FOXJ3: variants seen among roughly 807,000 people sequenced by gnomAD.
FOXJ3 encodes forkhead box protein J3.
FOXJ3 carries 22 observed loss-of-function variants against 76.1 expected under a neutral mutation model. The observed-to-expected ratio is 0.29, with a 90% CI of 0.21 to 0.41. The LOEUF is 0.41. Ranked by LOEUF, FOXJ3 falls within the 10% of genes least tolerant of loss-of-function variation. FOXJ3 has a pLI of 1.00. For missense variants in FOXJ3, 613 were observed against 762.1 expected, an observed-to-expected ratio of 0.80 and a Z score of 2.30; for synonymous variants, 269 against 261.2, an observed-to-expected ratio of 1.03 and a Z score of -0.29.
chr1:42,306,174 A>C (rs1654450798), intron 2 of FOXJ3, among the ~76,000 whole-genome samples: 2 of 152,230 alleles, frequency 1.3e-5, no homozygotes, highest in South Asian at 4.1e-4. Context: ...TTGGAAATAA[A>C]ATACAGGTAC....
intron 2 of FOXJ3, among the ~76,000 whole-genome samples, chr1:42,285,562 C>G (rs192593580): frequency 6.6e-6 from 1 of 152,110 alleles, no homozygotes; most frequent in African/African-American, 2.4e-5. Context: ...CTAAAATACT[C>G]CCCAAGGCTT....
chr1:42,188,730 C>A lies in FOXJ3; in HGVS notation c.1645+7G>T. ...GAGAAAAATCAAGAAGATAACTAAC[C>A]CCATACCTGTTCCAATGTGTTGGGA... On this transcript the variant is annotated splice_region_variant and intron_variant, in intron 11 of 12. Coordinates refer to ENST00000361346, the MANE Select transcript of FOXJ3 (RefSeq NM_014947.5). The A allele has an allele frequency of 6.4e-7, 1 of 1,553,090 alleles. No individual in the cohort carries two copies. The highest frequency in any genetic ancestry group is 8.7e-7 in the Non-Finnish European group (1 of 1,143,698).
At chr1:42,270,572 T>C (rs1238935431) in intron 3 of FOXJ3, among the ~76,000 whole-genome samples, 1 of 152,126 alleles carries the variant, frequency 6.6e-6, no homozygotes, top group African/African-American at 2.4e-5. Flanking sequence ...GCTTGGGTAG[T>C]CCCCATCTCC....
intron 4 of FOXJ3, among the ~76,000 whole-genome samples, chr1:42,258,771 T>A (rs567193199): frequency 2.3e-4 from 35 of 152,302 alleles, no homozygotes; most frequent in African/African-American, 7.7e-4. Flanking sequence ...AACAGACATA[T>A]CTTGCTTTTA....
At chr1:42,248,534 C>CAAAAA (rs4019586) in intron 4 of FOXJ3, among the ~76,000 whole-genome samples, 393 of 135,972 alleles carry the variant, frequency 2.9e-3, no homozygotes, top group African/African-American at 0.011. Flanking sequence ...ACTGCGTCTC[C>CAAAAA]AAAAAAAAAA....
At chr1:42,270,345 T>C (rs1405977304) in intron 3 of FOXJ3, among the ~76,000 whole-genome samples, 1 of 152,206 alleles carries the variant, frequency 6.6e-6, no homozygotes, top group Non-Finnish European at 1.5e-5. Flanking sequence ...CTCCATGCTG[T>C]ATTCTCTACC....
At chr1:42,295,118 T>C (rs1028519123) in intron 2 of FOXJ3, among the ~76,000 whole-genome samples, 2 of 152,204 alleles carry the variant, frequency 1.3e-5, no homozygotes, top group Non-Finnish European at 2.9e-5. Flanking sequence ...CATGGGTATA[T>C]TGCATATTGG....
chr1:42,245,695 A>G (rs892896763), intron 4 of FOXJ3, among the ~76,000 whole-genome samples: 1 of 138,310 alleles, frequency 7.2e-6, no homozygotes, highest in East Asian at 2.1e-4. Context: ...TTTATGACAA[A>G]CCCACAGCTA....
Position 42,297,416 on chromosome 1 carries a change from A to G in FOXJ3, c.44+13634T>C, listed in dbSNP as rs545061366. Among the ~76,000 whole-genome samples the G allele has an allele frequency of 4.6e-5, 7 of 152,168 alleles. No homozygotes were observed. In the South Asian group the frequency reaches 1.5e-3, roughly 32 times the overall value. ...TGTTGTCTGTAGGTTTGTCATATATAGCTATTATTTTAAGGTACATACCTC... is the reference window on the plus strand; with the variant it reads ...TGTTGTCTGTAGGTTTGTCATATATGGCTATTATTTTAAGGTACATACCTC... On this transcript the variant is annotated intron_variant, in intron 2 of 12. Transcript: ENST00000361346.
At chr1:42,251,090 G>A (rs1186847310) in intron 4 of FOXJ3, among the ~76,000 whole-genome samples, 1 of 152,008 alleles carries the variant, frequency 6.6e-6, no homozygotes, top group Non-Finnish European at 1.5e-5. Context: ...TCCTAGATGA[G>A]CAGGCCTGGA....
Position 42,277,976 on chromosome 1 carries a change from CAAAAAAAAAAAAAAA to C in FOXJ3, c.369+357_369+371del, listed in dbSNP as rs755384247. On this transcript the variant is annotated intron_variant, in intron 3 of 12. Coordinates refer to ENST00000361346, the MANE Select transcript of FOXJ3 (RefSeq NM_014947.5). ...TAGGCGTCAGAGCGAGACTCCATCT[CAAAAAAAAAAAAAAA>C]AAAAAAAATCTTGACTGATAAAGAC... is the stretch of plus-strand genomic sequence containing the variant. 5.8e-5 allele frequency among the ~76,000 whole-genome samples: 3 copies of C among 51,588 alleles called. No homozygotes were observed. In the East Asian group the frequency reaches 1.9e-3, roughly 33 times the overall value. The allele number at this position is 51,588 out of a possible 152,430, so 33.8% of individuals were successfully genotyped here.
intron 1 of FOXJ3, among the ~76,000 whole-genome samples, chr1:42,333,342 TAA>T (rs1281168510): frequency 6.6e-6 from 1 of 151,806 alleles, no homozygotes; most frequent in Non-Finnish European, 1.5e-5. Context: ...TTTGAAACAT[TAA>T]GTTTTTTTAT....
At chr1:42,234,027 G>A (rs907188168) in intron 4 of FOXJ3, among the ~76,000 whole-genome samples, 16 of 152,146 alleles carry the variant, frequency 1.1e-4, no homozygotes, top group African/African-American at 3.4e-4. Flanking sequence ...TTTGTCACAG[G>A]CCTTTTCTGC....
At chr1:42,244,233 T>C (rs1387780072) in intron 4 of FOXJ3, among the ~76,000 whole-genome samples, 1 of 151,788 alleles carries the variant, frequency 6.6e-6, no homozygotes, top group Non-Finnish European at 1.5e-5. Flanking sequence ...GCAGACAGAT[T>C]TCAAATAAAC....
intron 5 of FOXJ3, among the ~76,000 whole-genome samples, chr1:42,208,357 T>C (rs1646900132): frequency 6.6e-6 from 1 of 152,236 alleles, no homozygotes; most frequent in South Asian, 2.1e-4. Flanking sequence ...GTGGGATTTA[T>C]CCCTGGGATG....
chr1:42,185,318 C>T (rs1237821882), intron 11 of FOXJ3, among the ~76,000 whole-genome samples: 1 of 131,746 alleles, frequency 7.6e-6, no homozygotes, highest in Admixed American at 8.7e-5. Context: ...AGTGTGGTGG[C>T]GCGATCTTGG....
At chr1:42,216,158 A>C (rs1647060187) in intron 5 of FOXJ3, among the ~76,000 whole-genome samples, 1 of 152,178 alleles carries the variant, frequency 6.6e-6, no homozygotes, top group Non-Finnish European at 1.5e-5. Flanking sequence ...AAATTATAGC[A>C]AAGAAAAAAC....
intron 4 of FOXJ3, among the ~76,000 whole-genome samples, chr1:42,259,373 A>T (rs970351934): frequency 6.6e-6 from 1 of 152,062 alleles, no homozygotes; most frequent in Non-Finnish European, 1.5e-5. Flanking sequence ...ACCATATATA[A>T]TTTTTTTTAA....
chr1:42,283,084 CAG>C (rs112214765), intron 2 of FOXJ3, among the ~76,000 whole-genome samples: 4 of 152,200 alleles, frequency 2.6e-5, no homozygotes, highest in African/African-American at 9.6e-5. Context: ...AAGTATGACT[CAG>C]AGCACAGACT....
Sources: allele counts gnomAD v4.1 joint callset (sites outside exome capture counted in the v4.1 genomes callset), GRCh38; gene constraint gnomAD v4.1.1; transcripts MANE v1.5; gene names NCBI Gene and HGNC (gene_info 2026-07-23, HGNC 2026-07-21).